CACNA1C: variants seen among roughly 807,000 people sequenced by gnomAD.
CACNA1C encodes the protein calcium voltage-gated channel subunit alpha1 C, also known as voltage-dependent L-type calcium channel subunit alpha-1C.
In CACNA1C, 30 loss-of-function variants were observed where a neutral mutation model predicts 229.0. The ratio of observed to expected loss-of-function variants is 0.13; its 90% CI spans 0.10 to 0.18. CACNA1C has a LOEUF of 0.18. CACNA1C is among the 10% of genes least tolerant of loss of function. The pLI, the probability that CACNA1C is intolerant of heterozygous loss-of-function variation, is 1.00. For synonymous variants in CACNA1C, 1,114 were observed against 1,132.5 expected, an observed-to-expected ratio of 0.98 and a Z score of 0.33; for missense variants, 1,658 against 2,845.0, an observed-to-expected ratio of 0.58 and a Z score of 9.49.
rs553645168 is a variant in CACNA1C at position 2,097,345 on chromosome 12, AC to A, written c.50-17877del. 7.0e-3 allele frequency among the ~76,000 whole-genome samples: 1,066 copies of A among 151,906 alleles called. 9 individuals are homozygous for A. Among genetic ancestry groups the A allele is most frequent in the African/African-American group, 0.025 (1,020 of 41,398 alleles). On this transcript the variant is annotated intron_variant, in intron 1 of 46. Coordinates refer to ENST00000399655, the MANE Select transcript of CACNA1C (RefSeq NM_000719.7). ...GTATTTTTAGTAGAGACGGGGTTTC[AC>A]CATGTTAGCCAGGATAGTCTCGATC...
chr12:2,315,695 T>C (rs1190767957), intron 3 of CACNA1C, among the ~76,000 whole-genome samples: 1 of 152,228 alleles, frequency 6.6e-6, no homozygotes, highest in African/African-American at 2.4e-5. Context: ...AAAAACCCTA[T>C]TAATTGTACG....
chr12:2,097,634 A>G (rs972323231), intron 1 of CACNA1C, among the ~76,000 whole-genome samples: 9 of 152,174 alleles, frequency 5.9e-5, no homozygotes, highest in Admixed American at 2.0e-4. Context: ...GAGGATTTCC[A>G]TGTAAATTAC....
chr12:2,676,362 C>T (rs1310450612), intron 39 of CACNA1C: 1 of 152,256 alleles, frequency 6.6e-6, no homozygotes, highest in East Asian at 1.9e-4. Context: ...TAATCCCCAG[C>T]TGTCTCTTGG....
At chr12:2,684,420 T>G (rs1352777381) in intron 43 of CACNA1C, among the ~76,000 whole-genome samples, 1 of 152,104 alleles carries the variant, frequency 6.6e-6, no homozygotes, top group African/African-American at 2.4e-5. Flanking sequence ...CTAAATTGAT[T>G]CTTAGAGAAT....
intron 3 of CACNA1C, among the ~76,000 whole-genome samples, chr12:2,291,592 T>C (rs1429032812): frequency 6.6e-6 from 1 of 152,236 alleles, no homozygotes; most frequent in East Asian, 1.9e-4. Context: ...TTATTGAAAC[T>C]CGTCACAGAA....
chr12:2,095,228 C>T (rs2154085515), intron 1 of CACNA1C, among the ~76,000 whole-genome samples: 1 of 152,360 alleles, frequency 6.6e-6, no homozygotes, highest in South Asian at 2.1e-4. Context: ...GCACTCCCAC[C>T]TGTCCACTTT....
rs1428160387 is a variant in CACNA1C, at chr12:2,608,649, C to T, written c.3495C>T (p.Val1165=). ...FFMMNIFVGF[V]IVTFQEQGEQ... The stretch of plus-strand genomic sequence containing the variant: ...TGATGAACATCTTCGTGGGCTTCGT[C>T]ATCGTCACCTTTCAGGAGCAGGGGG... The change falls in exon 27 of 47, where the codon GTC becomes GTT. Residue 1165 remains valine (V), a synonymous_variant. Coordinates refer to ENST00000399655, the MANE Select transcript of CACNA1C (RefSeq NM_000719.7). This position sits in a 1 kb window ranked among gnomAD's most constrained non-coding sequence, Gnocchi z 4.2. 6.2e-7 allele frequency: 1 copy of T among 1,614,168 alleles called. No individual in the cohort carries two copies. Among genetic ancestry groups the T allele is most frequent in the Admixed American group, 1.7e-5 (1 of 60,026 alleles).
intron 29 of CACNA1C, among the ~76,000 whole-genome samples, chr12:2,628,200 G>A (rs1361204535): frequency 6.6e-6 from 1 of 152,176 alleles, no homozygotes; most frequent in Non-Finnish European, 1.5e-5. Context: ...GCAAAGGCAT[G>A]CACCCGTCAC....
At chr12:2,013,881 A>G (rs1398481083) in intron 1 of CACNA1C, among the ~76,000 whole-genome samples, 1 of 152,234 alleles carries the variant, frequency 6.6e-6, no homozygotes, top group African/African-American at 2.4e-5. Context: ...TGATGTAATC[A>G]TAAAATATGA....
chr12:2,372,052 G>A (rs778227155), intron 3 of CACNA1C, among the ~76,000 whole-genome samples: 10 of 152,188 alleles, frequency 6.6e-5, no homozygotes, highest in Non-Finnish European at 1.3e-4. Context: ...TTTGTTGGTT[G>A]GTTGTTTATC....
rs1198831523 is a variant in CACNA1C, at chr12:2,575,695, G to T, written c.1896-5895G>T. Among the ~76,000 whole-genome samples, 1 of 152,144 alleles carries T rather than the reference G, an allele frequency of 6.6e-6. No homozygotes were observed. The highest frequency in any genetic ancestry group is 1.5e-5 in the Non-Finnish European group (1 of 68,024). ...TTGGGCAGGTATCAAACTCAGTTAT[G>T]ACCTTCTCTGGAACACAGAGAGAAT... On this transcript the variant is annotated intron_variant, in intron 13 of 46. Coordinates refer to ENST00000399655, the MANE Select transcript of CACNA1C (RefSeq NM_000719.7). The surrounding 1 kb of genome is among the most constrained non-coding windows in gnomAD (Gnocchi z 4.0).
intron 3 of CACNA1C, among the ~76,000 whole-genome samples, chr12:2,409,023 C>T (rs2098773712): frequency 6.6e-6 from 1 of 152,152 alleles, no homozygotes; most frequent in Non-Finnish European, 1.5e-5. Flanking sequence ...CTCATAATCA[C>T]ATTAGTTTAT....
chr12:1,999,353 A>T (rs1312675307), intron 1 of CACNA1C, among the ~76,000 whole-genome samples: 1 of 152,250 alleles, frequency 6.6e-6, no homozygotes, highest in Non-Finnish European at 1.5e-5. Flanking sequence ...GCTATAAAAA[A>T]TCATTACCTA....
intron 3 of CACNA1C, among the ~76,000 whole-genome samples, chr12:2,316,876 G>T (rs749351253): frequency 3.9e-5 from 6 of 152,204 alleles, no homozygotes; most frequent in Non-Finnish European, 5.9e-5. Flanking sequence ...GACACTACCG[G>T]CTGACTGCTG....
chr12:2,650,001 C>T (rs1268585013), intron 31 of CACNA1C, among the ~76,000 whole-genome samples: 2 of 152,152 alleles, frequency 1.3e-5, no homozygotes, highest in East Asian at 1.9e-4. Context: ...CAGGGCAGGA[C>T]AGGGCTGCTG....
At chr12:2,685,268 T>C (rs1181928400) in intron 43 of CACNA1C, among the ~76,000 whole-genome samples, 1 of 150,114 alleles carries the variant, frequency 6.7e-6, no homozygotes, top group East Asian at 1.9e-4. Context: ...AGAGTGGTTG[T>C]AGGCAGCTGC....
At chr12:2,634,839 C>G (rs1024849374) in intron 30 of CACNA1C, among the ~76,000 whole-genome samples, 1 of 152,172 alleles carries the variant, frequency 6.6e-6, no homozygotes, top group Non-Finnish European at 1.5e-5. Flanking sequence ...GAAGGGAGCT[C>G]TCTCAAAGTG....
At chr12:1,997,796 A>G (rs1252965025) in intron 1 of CACNA1C, 1 of 713,506 alleles carries the variant, frequency 1.4e-6, no homozygotes, top group African/African-American at 1.8e-5. Flanking sequence ...CTTCGTGTCA[A>G]CTAATAATTT....
intron 3 of CACNA1C, among the ~76,000 whole-genome samples, chr12:2,338,743 A>T (rs971755886): frequency 1.3e-5 from 2 of 152,128 alleles, no homozygotes; most frequent in African/African-American, 4.8e-5. Context: ...GAATAGCAGG[A>T]GCCTTGGAGG....
Sources: gnomAD v4.1 joint callset for allele counts (sites outside exome capture counted in the v4.1 genomes callset) on GRCh38, gnomAD v4.1.1 for gene constraint, Gnocchi (gnomAD v3.1) non-coding constraint, MANE v1.5 for transcripts, NCBI Gene and HGNC (gene_info 2026-07-23, HGNC 2026-07-21) for gene names.